SGTA: variants seen among roughly 807,000 people sequenced by gnomAD.
The protein encoded by SGTA is small glutamine-rich tetratricopeptide repeat-containing protein alpha.
Under a neutral mutation model 44.3 loss-of-function variants are expected in SGTA, and 22 were observed. The observed-to-expected ratio is 0.50, with a 90% CI of 0.36 to 0.71. The LOEUF (loss-of-function observed/expected upper bound fraction) is 0.71. SGTA is among the 30% of genes least tolerant of loss of function. The pLI, the probability that SGTA is intolerant of heterozygous loss-of-function variation, is 0.00. For missense variants in SGTA, 341 were observed against 435.9 expected (o/e 0.78, Z 1.94); for synonymous variants, 174 against 177.6 (o/e 0.98, Z 0.16).
At chr19:2,758,474 G>A (rs1214703267) in intron 9 of SGTA, among the ~76,000 whole-genome samples, 2 of 150,968 alleles carry the variant, frequency 1.3e-5, no homozygotes. Context: ...CCAAGATTCT[G>A]CCACTGCACT....
rs1460231012 is a variant in SGTA, at chr19:2,765,170, G to A, written c.392+16C>T. 6.2e-7 allele frequency: 1 copy of A among 1,606,378 alleles called. No homozygotes were observed. Among genetic ancestry groups the A allele is most frequent in the Non-Finnish European group, 8.5e-7 (1 of 1,173,258 alleles). ...CACCCGGCCGCCCCTGCCCTGGGCA[G>A]GCCCTGAGCTGGTACCTGTTGCAGA... On this transcript the variant is annotated intron_variant, in intron 5 of 11. Coordinates refer to ENST00000221566, the MANE Select transcript of SGTA (RefSeq NM_003021.4). This position sits in a 1 kb window ranked among gnomAD's most constrained non-coding sequence, Gnocchi z 5.5.
At chr19:2,772,528 G>A (rs1306528967) in intron 1 of SGTA, among the ~76,000 whole-genome samples, 2 of 152,218 alleles carry the variant, frequency 1.3e-5, no homozygotes, top group Non-Finnish European at 2.9e-5. Context: ...TCCAGGGGCT[G>A]AATACTGTCG....
rs142297937 is a variant in SGTA at position 2,775,298 on chromosome 19, A to G, written c.-23-6207T>C. Among the ~76,000 whole-genome samples the G allele has an allele frequency of 2.2e-4, 34 of 152,344 alleles. No individual in the cohort carries two copies. In the East Asian group the frequency reaches 5.2e-3, roughly 23 times the overall value. On this transcript the variant is annotated intron_variant, in intron 1 of 11. Coordinates refer to ENST00000221566, the MANE Select transcript of SGTA (RefSeq NM_003021.4). Reference sequence around the variant, plus strand: ...CTTGGTTCCCCTAAAATGCCTCTACATGAGGTGAACAGCCACCACCCCCTA... The same window carrying G: ...CTTGGTTCCCCTAAAATGCCTCTACGTGAGGTGAACAGCCACCACCCCCTA...
rs755083305 is a variant in SGTA, at chr19:2,767,715, C to T, written c.101-29G>A. On this transcript the variant is annotated intron_variant, in intron 2 of 11. Transcript: ENST00000221566. The surrounding 1 kb of genome is among the most constrained non-coding windows in gnomAD (Gnocchi z 7.3). Reference sequence around the variant, plus strand: ...AAGCGGGGACAGAGGCGGTCCCATTCATTGCACGCAGCCCCGAGGTTACGT... The same window carrying T: ...AAGCGGGGACAGAGGCGGTCCCATTTATTGCACGCAGCCCCGAGGTTACGT... 1.9e-5 allele frequency: 29 copies of T among 1,553,174 alleles called. No individual in the cohort carries two copies. In the Admixed American group the frequency reaches 2.2e-4, roughly 12 times the overall value.
At position 2,755,947 on chromosome 19, in the gene SGTA, G is replaced by C. The variant is rs1914809686; in HGVS notation, c.*7-14C>G. 12 of 985,696 alleles carry C rather than the reference G, an allele frequency of 1.2e-5. No individual in the cohort carries two copies. Among genetic ancestry groups the C allele is most frequent in the Middle Eastern group, 5.2e-4 (1 of 1,934 alleles). The allele number at this position is 985,696 out of a possible 1,614,324, so 61.1% of individuals were successfully genotyped here. A position where few individuals can be genotyped will look rare whatever the true frequency, so the allele number is the denominator to read the frequency against. On this transcript the variant is annotated splice_polypyrimidine_tract_variant and intron_variant, in intron 11 of 11. Transcript: ENST00000221566. The surrounding 1 kb of genome is among the most constrained non-coding windows in gnomAD (Gnocchi z 5.2). ...CACCGGGAGCAGCTGGAAGGGGACA[G>C]ACATGAAGGCTGTCAGAGCGCAGGT...
Position 2,767,800 on chromosome 19 carries a change from G to C in SGTA, c.101-114C>G. 1 of 789,678 alleles carries C rather than the reference G, an allele frequency of 1.3e-6. No individual in the cohort carries two copies. Among genetic ancestry groups the C allele is most frequent in the Non-Finnish European group, 2.2e-6 (1 of 459,922 alleles). 48.9% of individuals were successfully genotyped at this position (789,678 alleles called of 1,614,324 possible). On this transcript the variant is annotated intron_variant, in intron 2 of 11. Transcript: ENST00000221566. This position sits in a 1 kb window ranked among gnomAD's most constrained non-coding sequence, Gnocchi z 7.3. Reference sequence around the variant, plus strand: ...TTCCCCAGGTGTGTTCATTCCCAAGGACCCCAGAACGCAGGGGCCGCCGCC... The same window carrying C: ...TTCCCCAGGTGTGTTCATTCCCAAGCACCCCAGAACGCAGGGGCCGCCGCC...
Position 2,767,656 on chromosome 19 carries a change from C to T in SGTA, c.131G>A (p.Gly44Glu). 1 of 1,613,808 alleles carries T rather than the reference C, an allele frequency of 6.2e-7. No homozygotes were observed. The highest frequency in any genetic ancestry group is 1.1e-5 in the South Asian group (1 of 91,090). The change falls in exon 3 of 12, where the codon GGG (glycine) becomes GAG (glutamate). Residue 44 changes from glycine (G) to glutamate (E), a missense_variant. Transcript: ENST00000221566. The surrounding 1 kb of genome is among the most constrained non-coding windows in gnomAD (Gnocchi z 7.3). ...AAGGTCACTGTCTTCTACCGTCACC[C>T]CAAACGCAGTCTCCAGGCACTGGAT... is the stretch of plus-strand genomic sequence containing the variant. ...VAIQCLETAF[G>E]VTVEDSDLAL...
intron 4 of SGTA, among the ~76,000 whole-genome samples, chr19:2,766,243 C>T (rs1915140051): frequency 6.6e-6 from 1 of 151,742 alleles, no homozygotes; most frequent in Admixed American, 6.6e-5. Context: ...AATGGGATCA[C>T]ATGCTGTGCG....
chr19:2,758,980 G>A (rs1394722141), intron 9 of SGTA, among the ~76,000 whole-genome samples: 1 of 152,082 alleles, frequency 6.6e-6, no homozygotes, highest in Non-Finnish European at 1.5e-5. Flanking sequence ...GGGGATAGGA[G>A]AGGGGTTGGG....
At chr19:2,774,760 G>C (rs994171360) in intron 1 of SGTA, among the ~76,000 whole-genome samples, 1 of 152,166 alleles carries the variant, frequency 6.6e-6, no homozygotes, top group Admixed American at 6.5e-5. Flanking sequence ...GGGATCACAG[G>C]TGTGAGCCAC....
chr19:2,776,635 T>C (rs979782612), intron 1 of SGTA, among the ~76,000 whole-genome samples: 2 of 152,210 alleles, frequency 1.3e-5, no homozygotes, highest in Admixed American at 6.5e-5. Context: ...TGTGTGAATG[T>C]GCTTAAAGCC....
intron 5 of SGTA, among the ~76,000 whole-genome samples, chr19:2,764,811 C>T: frequency 6.6e-6 from 1 of 152,132 alleles, no homozygotes; most frequent in East Asian, 1.9e-4. Flanking sequence ...AGTGATCCCC[C>T]CCGCCTCAGC....
intron 1 of SGTA, among the ~76,000 whole-genome samples, chr19:2,781,420 G>C (rs1357391311): frequency 3.9e-5 from 6 of 152,222 alleles, no homozygotes; most frequent in Non-Finnish European, 1.5e-5. Context: ...TATGGCAACT[G>C]TTCAACTGTG....
rs909469444 is a variant in SGTA at position 2,761,995 on chromosome 19, C to G, written c.637-473G>C. On this transcript the variant is annotated intron_variant, in intron 7 of 11. Coordinates refer to ENST00000221566, the MANE Select transcript of SGTA (RefSeq NM_003021.4). The surrounding 1 kb of genome is among the most constrained non-coding windows in gnomAD (Gnocchi z 5.7). ...CTTGCTGGCCTGGCAGAGCCGCCCC[C>G]TCCTGGAGTAGCCAATTCCCAGAGA... Among the ~76,000 whole-genome samples, 1 of 152,184 alleles carries G rather than the reference C, an allele frequency of 6.6e-6. No homozygotes were observed. Among genetic ancestry groups the G allele is most frequent in the Non-Finnish European group, 1.5e-5 (1 of 68,026 alleles).
chr19:2,782,329 G>C (rs919630465), intron 1 of SGTA, among the ~76,000 whole-genome samples: 4 of 152,162 alleles, frequency 2.6e-5, no homozygotes, highest in African/African-American at 9.7e-5. Context: ...AATAATCAGA[G>C]ACAGAAACAA....
chr19:2,776,230 G>A (rs141656721), intron 1 of SGTA, among the ~76,000 whole-genome samples: 33 of 152,332 alleles, frequency 2.2e-4, no homozygotes, highest in African/African-American at 7.2e-4. Flanking sequence ...TTTGGTTTAC[G>A]GAGTTTCTTT....
intron 1 of SGTA, chr19:2,770,831 C>T (rs993007775): frequency 1.3e-5 from 2 of 153,294 alleles, no homozygotes; most frequent in African/African-American, 2.4e-5. Context: ...CGGAGCCTCC[C>T]TTGGGGCCTT....
At chr19:2,779,209 A>G (rs1915515388) in intron 1 of SGTA, among the ~76,000 whole-genome samples, 1 of 152,182 alleles carries the variant, frequency 6.6e-6, no homozygotes, top group Non-Finnish European at 1.5e-5. Flanking sequence ...CTTTGCTGTG[A>G]GCTTTCTGAA....
intron 1 of SGTA, 30 bp from the exon 2 acceptor site, chr19:2,769,121 C>A: frequency 7.1e-7 from 1 of 1,416,948 alleles, no homozygotes; most frequent in Non-Finnish European, 1.0e-6. Flanking sequence ...CCCCATCAGG[C>A]CCCCTCACAC....
Sources: gnomAD v4.1 joint callset for allele counts (sites outside exome capture counted in the v4.1 genomes callset) on GRCh38, gnomAD v4.1.1 for gene constraint, Gnocchi (gnomAD v3.1) non-coding constraint, MANE v1.5 for transcripts, NCBI Gene and HGNC (gene_info 2026-07-23, HGNC 2026-07-21) for gene names.